The following SH3GL2 variants were observed in gnomAD, a reference collection of about 807,000 sequenced individuals.
SH3GL2 encodes the protein endophilin-A1.
SH3GL2 carries 24 observed loss-of-function variants against 46.0 expected under a neutral mutation model. The ratio of observed to expected loss-of-function variants is 0.52; its 90% CI spans 0.38 to 0.73. SH3GL2 has a LOEUF of 0.73. Ranked by LOEUF, SH3GL2 falls within the 30% of genes least tolerant of loss-of-function variation. The pLI, the probability that SH3GL2 is intolerant of heterozygous loss-of-function variation, is 0.00. For synonymous variants in SH3GL2, 196 were observed against 147.1 expected, an observed-to-expected ratio of 1.33 and a Z score of -2.40; for missense variants, 413 against 424.2, an observed-to-expected ratio of 0.97 and a Z score of 0.23.
intron 3 of SH3GL2, among the ~76,000 whole-genome samples, chr9:17,779,357 AGGAAATTTGAC>A (rs1253118504): frequency 6.6e-6 from 1 of 152,190 alleles, no homozygotes; most frequent in African/African-American, 2.4e-5. Flanking sequence ...TGAGTCCCAC[AGGAAATTTGAC>A]GGAATGGGAA....
intron 1 of SH3GL2, among the ~76,000 whole-genome samples, chr9:17,665,326 A>G (rs1377472075): frequency 6.6e-6 from 1 of 152,272 alleles, no homozygotes; most frequent in East Asian, 1.9e-4. Context: ...TGGGTCCAGG[A>G]TCCATCCACT....
chr9:17,679,076 G>A (rs1201753837), intron 1 of SH3GL2, among the ~76,000 whole-genome samples: 2 of 152,102 alleles, frequency 1.3e-5, no homozygotes, highest in African/African-American at 2.4e-5. Context: ...GATGCCTCCA[G>A]CTTTGTTCTT....
rs1184607510 is a variant in SH3GL2 at position 17,727,771 on chromosome 9, TG to T, written c.46-19294del. On this transcript the variant is annotated intron_variant, in intron 1 of 8. Coordinates refer to ENST00000380607, the MANE Select transcript of SH3GL2 (RefSeq NM_003026.5). ...GGGACCCAGCAGAATTGAGCCATTT[TG>T]CCTAACTTGGTGACCGGCTCCAGAA... Among the ~76,000 whole-genome samples, 3 of 152,162 alleles carry T rather than the reference TG, an allele frequency of 2.0e-5. No individual in the cohort carries two copies. In the East Asian group the frequency reaches 5.8e-4, roughly 29 times the overall value.
At position 17,684,302 on chromosome 9, in the gene SH3GL2, G is replaced by A. The variant is rs560377889; in HGVS notation, c.46-62764G>A. 3.3e-5 allele frequency among the ~76,000 whole-genome samples: 5 copies of A among 152,102 alleles called. No individual in the cohort carries two copies. In the East Asian group the frequency reaches 7.7e-4, roughly 24 times the overall value. ...GAAAAACTTAGTAACAGAGATGAAC[G>A]ATGCTTTTGATACCTCCTTGGTAGA... is the stretch of plus-strand genomic sequence containing the variant. On this transcript the variant is annotated intron_variant, in intron 1 of 8. Coordinates refer to ENST00000380607, the MANE Select transcript of SH3GL2 (RefSeq NM_003026.5).
At chr9:17,783,615 T>G (rs566604950) in intron 3 of SH3GL2, among the ~76,000 whole-genome samples, 5 of 152,210 alleles carry the variant, frequency 3.3e-5, no homozygotes, top group Admixed American at 1.3e-4. Flanking sequence ...TTTGTCTTCC[T>G]TAAAAGACAG....
At chr9:17,754,005 T>A (rs1175979916) in intron 2 of SH3GL2, among the ~76,000 whole-genome samples, 1 of 152,232 alleles carries the variant, frequency 6.6e-6, no homozygotes, top group Non-Finnish European at 1.5e-5. Flanking sequence ...GCAGTTTTAT[T>A]TCTGAGATCT....
At chr9:17,701,886 T>C (rs1821350332) in intron 1 of SH3GL2, among the ~76,000 whole-genome samples, 1 of 152,094 alleles carries the variant, frequency 6.6e-6, no homozygotes, top group South Asian at 2.1e-4. Context: ...TTTCTCTAAG[T>C]TAAACTGTAA....
chr9:17,740,002 C>G (rs1822477971), intron 1 of SH3GL2, among the ~76,000 whole-genome samples: 1 of 152,136 alleles, frequency 6.6e-6, no homozygotes, highest in Non-Finnish European at 1.5e-5. Flanking sequence ...CTCACTCAAA[C>G]TCATTTTAAA....
At chr9:17,686,201 C>T (rs1354447363) in intron 1 of SH3GL2, among the ~76,000 whole-genome samples, 1 of 124,104 alleles carries the variant, frequency 8.1e-6, no homozygotes, top group African/African-American at 3.3e-5. Context: ...CTCATCATCA[C>T]TGGCCATCAG....
In SH3GL2 at chr9:17,787,435, C is replaced by T; in HGVS notation, c.387C>T (p.Asp129=). 2 of 1,611,756 alleles carry T rather than the reference C, an allele frequency of 1.2e-6. No homozygotes were observed. The highest frequency in any genetic ancestry group is 1.7e-6 in the Non-Finnish European group (2 of 1,177,952). ...TGCGGGAACTGTCGGAGGTCAAAGA[C>T]TCTTTGGACATAGAAGTGAAGCAGA... ...EAMRELSEVK[D]SLDIEVKQNF... Residue 129 remains aspartate (D), a synonymous_variant, in exon 5 of 9, where the codon GAC becomes GAT. Transcript: ENST00000380607.
At chr9:17,752,924 T>C (rs1313343708) in intron 2 of SH3GL2, among the ~76,000 whole-genome samples, 1 of 152,138 alleles carries the variant, frequency 6.6e-6, no homozygotes, top group Non-Finnish European at 1.5e-5. Context: ...TGTGTTCTCA[T>C]CATTTTTGTC....
At chr9:17,757,104 G>T (rs1042643242) in intron 2 of SH3GL2, among the ~76,000 whole-genome samples, 3 of 152,102 alleles carry the variant, frequency 2.0e-5, no homozygotes, top group African/African-American at 7.2e-5. Context: ...CCATATGTCT[G>T]TTGGCTGCAT....
At chr9:17,609,962 C>T (rs553064639) in intron 1 of SH3GL2, among the ~76,000 whole-genome samples, 1 of 152,308 alleles carries the variant, frequency 6.6e-6, no homozygotes, top group South Asian at 2.1e-4. Context: ...CATTTTAATA[C>T]AAGTGTGTAC....
In SH3GL2 at chr9:17,789,484, T is replaced by G. The variant is rs1277947222; in HGVS notation, c.558T>G (p.Ala186=). The change falls in exon 6 of 9, where the codon GCT becomes GCG. Residue 186 remains alanine (A), a synonymous_variant. Transcript: ENST00000380607. The part of the protein sequence containing the change: ...GKIPDEELRQ[A]LEKFDESKEI... Reference sequence around the variant, plus strand: ...TTCCGGATGAAGAGCTTCGTCAAGCTCTAGAGAAATTTGATGAGTCTAAGG... The same window carrying G: ...TTCCGGATGAAGAGCTTCGTCAAGCGCTAGAGAAATTTGATGAGTCTAAGG... 1 of 1,613,510 alleles carries G rather than the reference T, an allele frequency of 6.2e-7. No homozygotes were observed. The highest frequency in any genetic ancestry group is 1.7e-5 in the Admixed American group (1 of 59,960).
chr9:17,606,115 T>G (rs1818756699), intron 1 of SH3GL2, among the ~76,000 whole-genome samples: 1 of 146,974 alleles, frequency 6.8e-6, no homozygotes, highest in African/African-American at 2.5e-5. Flanking sequence ...GTTTTTGAGA[T>G]GGAGTCTCAC....
intron 1 of SH3GL2, among the ~76,000 whole-genome samples, chr9:17,701,391 G>A (rs1332010782): frequency 6.6e-6 from 1 of 152,152 alleles, no homozygotes; most frequent in Non-Finnish European, 1.5e-5. Flanking sequence ...AGTAGTGAGG[G>A]GAGAGGTGGT....
At position 17,796,863 on chromosome 9, in the gene SH3GL2, C is replaced by T. The variant is rs976465727; in HGVS notation, c.*1120C>T. On this transcript the variant is annotated 3_prime_UTR_variant, in exon 9 of 9. Coordinates refer to ENST00000380607, the MANE Select transcript of SH3GL2 (RefSeq NM_003026.5). ...TTTTACTTCTGCCCTTTCTATCCATCGTCTTCATTTTGTGTGTACAGTGCT... is the reference window on the plus strand; with the variant it reads ...TTTTACTTCTGCCCTTTCTATCCATTGTCTTCATTTTGTGTGTACAGTGCT... 8 of 152,612 alleles carry T rather than the reference C, an allele frequency of 5.2e-5. No homozygotes were observed. The highest frequency in any genetic ancestry group is 3.3e-4 in the Admixed American group (5 of 15,272). The allele number at this position is 152,612 out of a possible 1,614,324, so 9.5% of individuals were successfully genotyped here. A position where few individuals can be genotyped will look rare whatever the true frequency, so the allele number is the denominator to read the frequency against.
chr9:17,725,781 G>A (rs571839152), intron 1 of SH3GL2, among the ~76,000 whole-genome samples: 53 of 152,262 alleles, frequency 3.5e-4, no homozygotes, highest in African/African-American at 1.2e-3. Flanking sequence ...AGTCCTCTTA[G>A]CAGCACCTGC....
At chr9:17,737,778 A>T (rs1822385687) in intron 1 of SH3GL2, among the ~76,000 whole-genome samples, 1 of 151,874 alleles carries the variant, frequency 6.6e-6, no homozygotes, top group Admixed American at 6.6e-5. Flanking sequence ...TGTACTCTGG[A>T]GATGCATGTT....
Sources: gnomAD v4.1 joint callset for allele counts (sites outside exome capture counted in the v4.1 genomes callset) on GRCh38, gnomAD v4.1.1 for gene constraint, MANE v1.5 for transcripts, NCBI Gene and HGNC (gene_info 2026-07-23, HGNC 2026-07-21) for gene names.